Variants in NSUN4 observed in about 807,000 individuals in gnomAD.
NSUN4 encodes 5-cytosine rRNA methyltransferase NSUN4.
In NSUN4, 31 loss-of-function variants were observed where a neutral mutation model predicts 43.8. The observed-to-expected ratio is 0.71, with a 90% CI of 0.53 to 0.96. The LOEUF (loss-of-function observed/expected upper bound fraction) is 0.96. Among genes scored for constraint, NSUN4 ranks in the 40% least tolerant of loss-of-function variants. NSUN4 has a pLI of 0.00. For missense variants in NSUN4, 439 were observed against 475.6 expected (o/e 0.92, Z 0.72); for synonymous variants, 167 against 184.1 (o/e 0.91, Z 0.75).
chr1:46,379,470 C>T, the NSUN4 span, among the ~76,000 whole-genome samples: 1 of 152,104 alleles, frequency 6.6e-6, no homozygotes, highest in African/African-American at 2.4e-5. Context: ...TGAAAATTAG[C>T]TGGGCGTGGT....
intron 3 of NSUN4, among the ~76,000 whole-genome samples, chr1:46,351,761 T>C (rs569712205): frequency 7.1e-6 from 1 of 141,322 alleles, no homozygotes; most frequent in African/African-American, 2.6e-5. Flanking sequence ...GCCTCCCGGG[T>C]TCACGCCTTT....
At chr1:46,378,345 G>A in the NSUN4 span, among the ~76,000 whole-genome samples, 1 of 152,010 alleles carries the variant, frequency 6.6e-6, no homozygotes, top group Non-Finnish European at 1.5e-5. Flanking sequence ...CTACAGGTGT[G>A]TGTCACCACA....
chr1:46,374,657 A>G, the NSUN4 span, among the ~76,000 whole-genome samples: 1 of 152,126 alleles, frequency 6.6e-6, no homozygotes, highest in South Asian at 2.1e-4. Context: ...TCTATTGTAT[A>G]ACATGGTGAC....
chr1:46,368,383 C>G (rs1664183150), downstream of NSUN4, among the ~76,000 whole-genome samples: 2 of 152,118 alleles, frequency 1.3e-5, no homozygotes, highest in Admixed American at 1.3e-4. Flanking sequence ...TTGTTTTGAC[C>G]AGTAAAGTCT....
At chr1:46,375,445 A>G in the NSUN4 span, among the ~76,000 whole-genome samples, 21 of 152,010 alleles carry the variant, frequency 1.4e-4, no homozygotes, top group African/African-American at 4.8e-4. Context: ...CAAAAAAAAA[A>G]AAAAAGGGCC....
At position 46,340,933 on chromosome 1, in the gene NSUN4, G is replaced by A. The variant is rs767147491; in HGVS notation, c.93+14G>A. ...AAGAAGAAATGGGTAAGGTCCGGCTGGGGGCGCAGGAGGGAAAAGTGAGGG... is the reference window on the plus strand; with the variant it reads ...AAGAAGAAATGGGTAAGGTCCGGCTAGGGGCGCAGGAGGGAAAAGTGAGGG... On this transcript the variant is annotated intron_variant, in intron 1 of 5. Transcript: ENST00000474844. The A allele has an allele frequency of 1.2e-5, 20 of 1,604,732 alleles. No individual in the cohort carries two copies. The East Asian group carries it at 4.3e-4, about 34-fold the overall frequency.
intron 4 of NSUN4, among the ~76,000 whole-genome samples, chr1:46,356,167 G>A (rs143897521): frequency 6.6e-6 from 1 of 152,132 alleles, no homozygotes; most frequent in Non-Finnish European, 1.5e-5. Context: ...GACTTTCTGG[G>A]CTTAAGTGAT....
At chr1:46,341,335 C>CA in intron 1 of NSUN4, 4 of 1,004,566 alleles carry the variant, frequency 4.0e-6, no homozygotes, top group Non-Finnish European at 4.8e-6. Context: ...CGGTCGCCCT[C>CA]ACCCCTCGGA....
rs950054778 is a variant in NSUN4, at chr1:46,363,708, A to G, written c.*1862A>G. The G allele has an allele frequency of 6.6e-6, 1 of 152,630 alleles. No individual in the cohort carries two copies. Among genetic ancestry groups the G allele is most frequent in the African/African-American group, 2.4e-5 (1 of 41,444 alleles). 9.5% of individuals were successfully genotyped at this position (152,630 alleles called of 1,614,324 possible). On this transcript the variant is annotated 3_prime_UTR_variant, in exon 6 of 6. Transcript: ENST00000474844. Reference sequence around the variant, plus strand: ...AAGCAAAAGCCTAGAAATAACCCAGATGCCCATGAGCAAGAGAGTGGACAA... The same window carrying G: ...AAGCAAAAGCCTAGAAATAACCCAGGTGCCCATGAGCAAGAGAGTGGACAA...
At position 46,361,825 on chromosome 1, in the gene NSUN4, C is replaced by G. The variant is rs1663901653; in HGVS notation, c.1134C>G (p.Cys378Trp). 4 of 1,614,074 alleles carry G rather than the reference C, an allele frequency of 2.5e-6. No individual in the cohort carries two copies. The highest frequency in any genetic ancestry group is 3.4e-6 in the Non-Finnish European group (4 of 1,179,974). Residue 378 changes from cysteine (C) to tryptophan (W), a missense_variant, in exon 6 of 6, where the codon TGC becomes TGG. Physicochemically the swap from Cys to Trp is radical, Grantham distance 215 (BLOSUM62 -2). Transcript: ENST00000474844. ...CCAATTTTGGCCCCATGTACTTCTG[C>G]AAAATGCGTAGGCTGACATAGTATC... ...LMANFGPMYF[C>W]KMRRLT
chr1:46,367,654 T>G (rs1664165666), downstream of NSUN4, among the ~76,000 whole-genome samples: 1 of 152,038 alleles, frequency 6.6e-6, no homozygotes, highest in East Asian at 1.9e-4. Context: ...GGCTAACTCA[T>G]AGGCAGCAAA....
At chr1:46,368,235 C>A (rs890465536), downstream of NSUN4, among the ~76,000 whole-genome samples, 1 of 152,108 alleles carries the variant, frequency 6.6e-6, no homozygotes, top group East Asian at 1.9e-4. Context: ...TCCTCTCATG[C>A]CACCCCTTAT....
rs1013283516 is a variant in NSUN4, at chr1:46,364,873, C to G, written c.*3027C>G. Reference sequence around the variant, plus strand: ...TCACATAGATCATGATGATTCAATCCAAAGGCACTTTGCAGTGCAGTCCAC... The same window carrying G: ...TCACATAGATCATGATGATTCAATCGAAAGGCACTTTGCAGTGCAGTCCAC... On this transcript the variant is annotated 3_prime_UTR_variant, in exon 6 of 6. Coordinates refer to ENST00000474844, the MANE Select transcript of NSUN4 (RefSeq NM_199044.4). The G allele has an allele frequency of 6.6e-6, 1 of 152,182 alleles. No individual in the cohort carries two copies. The highest frequency in any genetic ancestry group is 1.5e-5 in the Non-Finnish European group (1 of 68,040). The allele number at this position is 152,182 out of a possible 1,614,324, so 9.4% of individuals were successfully genotyped here.
At chr1:46,352,783 T>G in intron 3 of NSUN4, 85 bp from the exon 4 acceptor site, 30 of 1,346,444 alleles carry the variant, frequency 2.2e-5, no homozygotes, top group Non-Finnish European at 3.0e-5. Flanking sequence ...TGGGACTACC[T>G]GAGAATTGGT....
chr1:46,352,832 T>C, intron 3 of NSUN4, 36 bp from the exon 4 acceptor site: 1 of 1,601,642 alleles, frequency 6.2e-7, no homozygotes, highest in Non-Finnish European at 8.5e-7. Flanking sequence ...AATGTTTCAT[T>C]GGGTCATGGC....
intron 2 of NSUN4, among the ~76,000 whole-genome samples, chr1:46,346,515 G>A (rs1276132158): frequency 3.7e-5 from 5 of 135,510 alleles, no homozygotes; most frequent in Admixed American, 8.4e-5. Context: ...TTGCGCCACC[G>A]CACTCCAGCC....
At chr1:46,342,304 A>G in intron 1 of NSUN4, 1 of 399,158 alleles carries the variant, frequency 2.5e-6, no homozygotes, top group Non-Finnish European at 4.4e-6. Flanking sequence ...CCACAGCTTG[A>G]CCTGCCCCTT....
downstream of NSUN4, among the ~76,000 whole-genome samples, chr1:46,366,984 T>TA (rs1427295735): frequency 1.3e-5 from 2 of 152,184 alleles, no homozygotes; most frequent in African/African-American, 4.8e-5. Context: ...GAGAGACTGG[T>TA]AAAAGCTTTG....
intron 1 of NSUN4, chr1:46,342,992 T>C: frequency 2.5e-6 from 1 of 399,724 alleles, no homozygotes; most frequent in Non-Finnish European, 4.4e-6. Context: ...CTGTGGTCCC[T>C]AGAGCTCTCA....
Sources: gnomAD v4.1 joint callset for allele counts (sites outside exome capture counted in the v4.1 genomes callset) on GRCh38, gnomAD v4.1.1 for gene constraint, MANE v1.5 for transcripts, NCBI Gene and HGNC (gene_info 2026-07-23, HGNC 2026-07-21) for gene names.